Variants in DNMBP observed in about 807,000 individuals in gnomAD.
DNMBP encodes dynamin-binding protein.
DNMBP carries 87 observed loss-of-function variants against 150.0 expected under a neutral mutation model. The observed-to-expected ratio is 0.58, with a 90% confidence interval of 0.49 to 0.69. The LOEUF is 0.69. Among genes scored for constraint, DNMBP ranks in the 30% least tolerant of loss-of-function variants. The pLI, the probability that DNMBP is intolerant of heterozygous loss-of-function variation, is 0.00. For synonymous variants in DNMBP, 711 were observed against 750.4 expected (o/e 0.95, Z 0.86); for missense variants, 1,774 against 1,949.0 (o/e 0.91, Z 1.69).
intron 4 of DNMBP, among the ~76,000 whole-genome samples, chr10:99,944,918 A>C (rs944757538): frequency 3.3e-5 from 5 of 152,242 alleles, no homozygotes; most frequent in Non-Finnish European, 5.9e-5. Flanking sequence ...AATCTTTAAA[A>C]TAGAAATCTA....
intron 1 of DNMBP, among the ~76,000 whole-genome samples, chr10:99,998,642 C>G (rs2040979070): frequency 6.6e-6 from 1 of 151,098 alleles, no homozygotes; most frequent in Non-Finnish European, 1.5e-5. Context: ...TTCTTGAACG[C>G]TGATTCAAAC....
intron 1 of DNMBP, among the ~76,000 whole-genome samples, chr10:99,995,647 G>C (rs1180150890): frequency 6.6e-6 from 1 of 152,224 alleles, no homozygotes; most frequent in Non-Finnish European, 1.5e-5. Context: ...GTGCTGGTGG[G>C]CCAGAGTGGT....
In DNMBP at chr10:99,998,103, C is replaced by T. The variant is rs527712762; in HGVS notation, c.-11+11735G>A. 3.4e-4 allele frequency among the ~76,000 whole-genome samples: 51 copies of T among 151,402 alleles called. 1 individual carries two copies. In the South Asian group the frequency reaches 8.4e-3, roughly 25 times the overall value. On this transcript the variant is annotated intron_variant, in intron 1 of 16. Transcript: ENST00000324109. The stretch of plus-strand genomic sequence containing the variant: ...ACAAAAAATTAGCCAGGCGTGGTGG[C>T]GCACACCTGTATTCCCAGCTTCTCG...
At chr10:99,998,356 T>C (rs573813134) in intron 1 of DNMBP, among the ~76,000 whole-genome samples, 48 of 152,020 alleles carry the variant, frequency 3.2e-4, no homozygotes, top group Non-Finnish European at 5.4e-4. Context: ...GGTGGGTGGA[T>C]TGCCTGAGCT....
In DNMBP at chr10:99,956,398, G is replaced by A; in HGVS notation, c.1076C>T (p.Ser359Phe). The A allele has an allele frequency of 2.5e-6, 4 of 1,614,082 alleles. No homozygotes were observed. The highest frequency in any genetic ancestry group is 3.4e-6 in the Non-Finnish European group (4 of 1,180,038). The change falls in exon 4 of 17, where the codon TCT (serine) becomes TTT (phenylalanine). Residue 359 changes from serine to phenylalanine, a missense_variant. Ser to Phe is a radical substitution (Grantham distance 155). Coordinates refer to ENST00000324109, the MANE Select transcript of DNMBP (RefSeq NM_015221.4). The part of the protein sequence containing the change: ...PDCIISEAPT[S>F]PLGHLTSEYD... ...CTCTGAAGTCAGATGACCGAGGGGA[G>A]AAGTGGGTGCTTCAGAAATAATGCA...
At chr10:99,971,252 AC>A (rs201621519) in intron 2 of DNMBP, among the ~76,000 whole-genome samples, 13,098 of 152,098 alleles carry the variant, frequency 0.086, 660 homozygotes, top group Middle Eastern at 0.23. Context: ...CAGTAGGTAA[AC>A]ACAAAAGGAT....
intron 1 of DNMBP, among the ~76,000 whole-genome samples, chr10:100,003,207 C>T (rs374479662): frequency 2.4e-4 from 37 of 152,236 alleles, no homozygotes; most frequent in South Asian, 6.2e-4. Flanking sequence ...ATTAGCCAGG[C>T]GTGGTGGCAC....
At chr10:99,910,128 G>A (rs1416591703) in intron 4 of DNMBP, among the ~76,000 whole-genome samples, 2 of 152,218 alleles carry the variant, frequency 1.3e-5, no homozygotes, top group Non-Finnish European at 2.9e-5. Flanking sequence ...ACAATTACAG[G>A]ACTATTTTAA....
At chr10:99,936,319 T>C (rs1205450054) in intron 4 of DNMBP, among the ~76,000 whole-genome samples, 1 of 152,166 alleles carries the variant, frequency 6.6e-6, no homozygotes, top group African/African-American at 2.4e-5. Flanking sequence ...CAGCTTACAT[T>C]TTGTGAGGAT....
chr10:99,907,762 G>A (rs1442112953), intron 6 of DNMBP, among the ~76,000 whole-genome samples: 1 of 152,162 alleles, frequency 6.6e-6, no homozygotes, highest in Non-Finnish European at 1.5e-5. Context: ...AACCATGAGT[G>A]TGGAAAAACA....
intron 4 of DNMBP, among the ~76,000 whole-genome samples, chr10:99,928,913 G>A (rs532523988): frequency 1.1e-4 from 16 of 152,258 alleles, no homozygotes; most frequent in African/African-American, 3.6e-4. Context: ...GGAAGCAGAG[G>A]TGGGTGGTTC....
At chr10:99,953,869 G>A (rs2040451592) in intron 4 of DNMBP, among the ~76,000 whole-genome samples, 1 of 151,232 alleles carries the variant, frequency 6.6e-6, no homozygotes, top group Admixed American at 6.6e-5. Flanking sequence ...ATACAAGATG[G>A]AGTTTTCTCA....
At chr10:99,885,961 T>C in intron 13 of DNMBP, 95 bp from the exon 14 acceptor site, 1 of 1,213,082 alleles carries the variant, frequency 8.2e-7, no homozygotes, top group Admixed American at 2.7e-5. Flanking sequence ...GATCCCGGAT[T>C]GACAGTCTCC....
chr10:99,968,631 T>C (rs1227053487), intron 3 of DNMBP, among the ~76,000 whole-genome samples: 2 of 147,218 alleles, frequency 1.4e-5, no homozygotes, highest in Non-Finnish European at 3.0e-5. Context: ...GAGGTTGCAG[T>C]GAGCTGAGAT....
chr10:99,911,662 C>T (rs1420860338), intron 4 of DNMBP, among the ~76,000 whole-genome samples: 1 of 152,060 alleles, frequency 6.6e-6, no homozygotes, highest in African/African-American at 2.4e-5. Context: ...AAAATGTATA[C>T]AGGAGTTTTC....
intron 6 of DNMBP, among the ~76,000 whole-genome samples, chr10:99,905,980 AAAC>A (rs1434907763): frequency 1.3e-5 from 2 of 152,166 alleles, no homozygotes; most frequent in African/African-American, 4.8e-5. Flanking sequence ...AAAAAAGAAG[AAAC>A]AACAGTACCT....
chr10:99,888,860 G>A lies in DNMBP; in HGVS notation c.3250C>T (p.His1084Tyr). Residue 1084 changes from histidine (H) to tyrosine (Y), a missense_variant, in exon 12 of 17, where the codon CAT becomes TAT. This residue lies in a region of DNMBP where 1,430 missense variants were observed against 1,492.5 expected (regional missense o/e 0.96). Transcript: ENST00000324109. ...HRDLEQFERV[H>Y]RYISDQLFTN... ...AAGAGCTGGTCACTGATGTAGCGAT[G>A]CACCCTCTCAAACTGCTCCAGGTCC... The A allele has an allele frequency of 6.2e-7, 1 of 1,614,106 alleles. No individual in the cohort carries two copies. Among genetic ancestry groups the A allele is most frequent in the South Asian group, 1.1e-5 (1 of 91,074 alleles).
At chr10:99,919,082 C>G (rs1047634104) in intron 4 of DNMBP, among the ~76,000 whole-genome samples, 3 of 152,140 alleles carry the variant, frequency 2.0e-5, no homozygotes, top group Non-Finnish European at 4.4e-5. Flanking sequence ...TACCAAGGCT[C>G]TTGAGGCAAG....
At position 99,909,966 on chromosome 10, in the gene DNMBP, G is replaced by A. The variant is rs543569625; in HGVS notation, c.2261-820C>T. 5.3e-5 allele frequency among the ~76,000 whole-genome samples: 8 copies of A among 152,310 alleles called. No homozygotes were observed. In the South Asian group the frequency reaches 1.0e-3, roughly 20 times the overall value. ...GAGTTATCTATAAACATGGAACAGC[G>A]TTTGTTCATCTGAAATGAGCATTAA... On this transcript the variant is annotated intron_variant, in intron 4 of 16. Coordinates refer to ENST00000324109, the MANE Select transcript of DNMBP (RefSeq NM_015221.4).
Sources: allele counts gnomAD v4.1 joint callset (sites outside exome capture counted in the v4.1 genomes callset), GRCh38; gene constraint gnomAD v4.1.1; regional missense constraint gnomAD v4.1.1; transcripts MANE v1.5; gene names NCBI Gene and HGNC (gene_info 2026-07-23, HGNC 2026-07-21).